KATNAL1: variants seen among roughly 807,000 people sequenced by gnomAD.
The protein encoded by KATNAL1 is katanin catalytic subunit A1 like 1.
KATNAL1 carries 32 observed loss-of-function variants against 55.2 expected under a neutral mutation model. The observed-to-expected ratio is 0.58, with a 90% CI of 0.44 to 0.78. The LOEUF is 0.78. KATNAL1 is among the 30% of genes least tolerant of loss of function. The pLI is 0.00. For missense variants in KATNAL1, 466 were observed against 600.9 expected, an observed-to-expected ratio of 0.78 and a Z score of 2.35; for synonymous variants, 193 against 193.6, an observed-to-expected ratio of 1.00 and a Z score of 0.02.
At chr13:30,291,189 A>G (rs1882111415) in intron 1 of KATNAL1, among the ~76,000 whole-genome samples, 2 of 152,242 alleles carry the variant, frequency 1.3e-5, no homozygotes, top group African/African-American at 2.4e-5. Flanking sequence ...AGTGGAGAAA[A>G]TCCTAGGGAA....
At chr13:30,253,107 C>T (rs1316910322) in intron 4 of KATNAL1, among the ~76,000 whole-genome samples, 1 of 152,174 alleles carries the variant, frequency 6.6e-6, no homozygotes, top group African/African-American at 2.4e-5. Context: ...TTCACCTAAG[C>T]TGCCTCAAAA....
intron 7 of KATNAL1, 110 bp downstream of exon 7, chr13:30,231,204 T>G (rs959262612): frequency 3.1e-5 from 24 of 765,822 alleles, no homozygotes; most frequent in Non-Finnish European, 4.8e-5. Context: ...ACTATTAAAA[T>G]AGAACTACAC....
In KATNAL1 at chr13:30,256,949, T is replaced by C. The variant is rs546146824; in HGVS notation, c.324-1334A>G. ...CCTAGGAGGAGACAAAGACAAGCAA[T>C]CTTGTGAAAGAAATCCTCAGGAAAG... On this transcript the variant is annotated intron_variant, in intron 3 of 10. Coordinates refer to ENST00000380615, the MANE Select transcript of KATNAL1 (RefSeq NM_032116.5). Among the ~76,000 whole-genome samples, 257 of 152,234 alleles carry C rather than the reference T, an allele frequency of 1.7e-3. 1 individual carries two copies. Among genetic ancestry groups the C allele is most frequent in the African/African-American group, 5.8e-3 (239 of 41,540 alleles).
In KATNAL1 at chr13:30,271,892, A is replaced by C. The variant is rs575343627; in HGVS notation, c.323+8171T>G. ...AAAGAAAAGAGGAAAAAAAAAAAAAAAAAAAAAACAGAGTTGTGTAATGTC... is the reference window on the plus strand; with the variant it reads ...AAAGAAAAGAGGAAAAAAAAAAAAACAAAAAAAACAGAGTTGTGTAATGTC... On this transcript the variant is annotated intron_variant, in intron 3 of 10. Coordinates refer to ENST00000380615, the MANE Select transcript of KATNAL1 (RefSeq NM_032116.5). Among the ~76,000 whole-genome samples the C allele has an allele frequency of 9.2e-5, 14 of 151,440 alleles. No individual in the cohort carries two copies. In the South Asian group the frequency reaches 1.3e-3, roughly 14 times the overall value.
chr13:30,230,201 T>C (rs1042674450), intron 8 of KATNAL1, among the ~76,000 whole-genome samples: 8 of 152,188 alleles, frequency 5.3e-5, no homozygotes, highest in African/African-American at 9.7e-5. Context: ...GGACTCTAGA[T>C]CATGCCTCCA....
In KATNAL1 at chr13:30,208,423, T is replaced by G; in HGVS notation, c.*117A>C. On this transcript the variant is annotated 3_prime_UTR_variant, in exon 11 of 11. Coordinates refer to ENST00000380615, the MANE Select transcript of KATNAL1 (RefSeq NM_032116.5). ...TTCTTCGCAGTTTTAGATTTTTTTT[T>G]CCTTTAAGCGAAAACCACTCCACTG... 2 of 782,288 alleles carry G rather than the reference T, an allele frequency of 2.6e-6. No homozygotes were observed. Among genetic ancestry groups the G allele is most frequent in the Non-Finnish European group, 3.9e-6 (2 of 506,724 alleles). 48.5% of individuals were successfully genotyped at this position (782,288 alleles called of 1,614,324 possible). A position where few individuals can be genotyped will look rare whatever the true frequency, so the allele number is the denominator to read the frequency against.
intron 8 of KATNAL1, among the ~76,000 whole-genome samples, chr13:30,229,171 T>G (rs1875828293): frequency 6.6e-6 from 1 of 152,082 alleles, no homozygotes; most frequent in Admixed American, 6.6e-5. Context: ...ATAACCCTTT[T>G]CCTTCTATGG....
chr13:30,210,634 G>T, intron 9 of KATNAL1, 192 bp from the exon 10 acceptor site: 1 of 187,322 alleles, frequency 5.3e-6, no homozygotes, highest in Non-Finnish European at 1.0e-5. Flanking sequence ...TGCCTCTGTT[G>T]CAGTAACTAA....
At chr13:30,275,259 C>T (rs1880756544) in intron 3 of KATNAL1, among the ~76,000 whole-genome samples, 1 of 152,120 alleles carries the variant, frequency 6.6e-6, no homozygotes, top group Non-Finnish European at 1.5e-5. Flanking sequence ...CAGCATATCA[C>T]ATGGCAAAAG....
intron 3 of KATNAL1, among the ~76,000 whole-genome samples, chr13:30,274,841 TAAAGAA>T (rs1397888996): frequency 2.0e-5 from 3 of 150,940 alleles, no homozygotes; most frequent in South Asian, 2.1e-4. Flanking sequence ...GATGAATGGA[TAAAGAA>T]AATGTGTGCA....
intron 4 of KATNAL1, among the ~76,000 whole-genome samples, chr13:30,253,804 C>T (rs1354214327): frequency 6.6e-6 from 1 of 152,028 alleles, no homozygotes; most frequent in Non-Finnish European, 1.5e-5. Context: ...GACTTTTCAT[C>T]TAGCTTGGTA....
At chr13:30,278,953 C>G (rs1484497621) in intron 3 of KATNAL1, among the ~76,000 whole-genome samples, 1 of 152,152 alleles carries the variant, frequency 6.6e-6, no homozygotes, top group Non-Finnish European at 1.5e-5. Flanking sequence ...ACTGTTTTCA[C>G]AATGAAAATC....
rs963988959 is a variant in KATNAL1 at position 30,205,637 on chromosome 13, AGTGTGAGTGT to A, written c.*2893_*2902del. ...GAGTGTGTGTGTGTGTGTGTATGTG[AGTGTGAGTGT>A]GTGTGTGATGTACATTAAAAGTTAG... On this transcript the variant is annotated 3_prime_UTR_variant, in exon 11 of 11. Transcript: ENST00000380615. 4 of 103,164 alleles carry A rather than the reference AGTGTGAGTGT, an allele frequency of 3.9e-5. No homozygotes were observed. The highest frequency in any genetic ancestry group is 1.1e-4 in the Admixed American group (1 of 8,966). The allele number at this position is 103,164 out of a possible 1,614,324, so 6.4% of individuals were successfully genotyped here.
Position 30,203,332 on chromosome 13 carries a change from T to C in KATNAL1, c.*5208A>G, listed in dbSNP as rs1340939755. The stretch of plus-strand genomic sequence containing the variant: ...TGTGCTTAAAAGAAACAAATCTGCA[T>C]AGATGATGAACTGAATTTAATTCAA... On this transcript the variant is annotated 3_prime_UTR_variant, in exon 11 of 11. Transcript: ENST00000380615. 1 of 152,194 alleles carries C rather than the reference T, an allele frequency of 6.6e-6. No homozygotes were observed. The highest frequency in any genetic ancestry group is 1.5e-5 in the Non-Finnish European group (1 of 68,028). 9.4% of individuals were successfully genotyped at this position (152,194 alleles called of 1,614,324 possible).
At position 30,206,695 on chromosome 13, in the gene KATNAL1, T is replaced by C. The variant is rs1873183611; in HGVS notation, c.*1845A>G. ...CACAATTACTTTTGCACCAACCCATTACAAACAAGTTTTAACAATCACAAG... is the reference window on the plus strand; with the variant it reads ...CACAATTACTTTTGCACCAACCCATCACAAACAAGTTTTAACAATCACAAG... On this transcript the variant is annotated 3_prime_UTR_variant, in exon 11 of 11. Transcript: ENST00000380615. The C allele has an allele frequency of 6.6e-6, 1 of 151,964 alleles. No homozygotes were observed. The highest frequency in any genetic ancestry group is 6.5e-5 in the Admixed American group (1 of 15,280). The allele number at this position is 151,964 out of a possible 1,614,324, so 9.4% of individuals were successfully genotyped here.
At chr13:30,292,629 T>C (rs977461093) in intron 1 of KATNAL1, among the ~76,000 whole-genome samples, 6 of 152,170 alleles carry the variant, frequency 3.9e-5, no homozygotes, top group Admixed American at 6.5e-5. Flanking sequence ...TTCAACTTGG[T>C]ACCTCCCTTC....
chr13:30,293,403 A>G lies in KATNAL1; in HGVS notation c.-14-9612T>C, dbSNP rs187527735. 1.8e-3 allele frequency among the ~76,000 whole-genome samples: 276 copies of G among 152,050 alleles called. 2 individuals carry two copies. The highest frequency in any genetic ancestry group is 6.3e-3 in the African/African-American group (262 of 41,468). Reference sequence around the variant, plus strand: ...CATACACTGTGTACACCCCGGCAACACCCCTTCAAAATACAGAACACTTCC... The same window carrying G: ...CATACACTGTGTACACCCCGGCAACGCCCCTTCAAAATACAGAACACTTCC... On this transcript the variant is annotated intron_variant, in intron 1 of 10. Transcript: ENST00000380615.
chr13:30,215,945 A>C (rs1245166451), intron 9 of KATNAL1, among the ~76,000 whole-genome samples: 1 of 152,210 alleles, frequency 6.6e-6, no homozygotes, highest in East Asian at 1.9e-4. Context: ...ATTTTAAAAA[A>C]AAGAAAATTA....
chr13:30,284,433 TA>T (rs1338148974), intron 1 of KATNAL1, among the ~76,000 whole-genome samples: 1 of 152,090 alleles, frequency 6.6e-6, no homozygotes, highest in Non-Finnish European at 1.5e-5. Context: ...CTTGACAATA[TA>T]AAAAATATGA....
Sources: allele counts gnomAD v4.1 joint callset (sites outside exome capture counted in the v4.1 genomes callset), GRCh38; gene constraint gnomAD v4.1.1; transcripts MANE v1.5; gene names NCBI Gene and HGNC (gene_info 2026-07-23, HGNC 2026-07-21).